Variants in IL18RAP observed in about 807,000 individuals in gnomAD.
IL18RAP encodes interleukin 18 receptor accessory protein, also known as interleukin-18 receptor accessory protein.
A neutral mutation model predicts 58.1 loss-of-function variants in IL18RAP; 37 were observed. The ratio of observed to expected loss-of-function variants is 0.64; its 90% CI spans 0.49 to 0.84. The LOEUF is 0.84. IL18RAP is among the 40% of genes least tolerant of loss of function. The probability of loss-of-function intolerance (pLI) is 0.00; values close to 1 mark genes in which losing one functional copy is unlikely to be tolerated. For missense variants in IL18RAP, 667 were observed against 704.8 expected (o/e 0.95, Z 0.61); for synonymous variants, 268 against 257.5 (o/e 1.04, Z -0.39).
intron 8 of IL18RAP, among the ~76,000 whole-genome samples, chr2:102,449,016 C>G (rs113184587): frequency 1.4e-5 from 2 of 145,444 alleles, no homozygotes; most frequent in South Asian, 2.2e-4. Context: ...CATGTGTAAT[C>G]CCAGCACTTT....
chr2:102,438,678 C>G (rs1235606592), intron 4 of IL18RAP: 1 of 152,240 alleles, frequency 6.6e-6, no homozygotes, highest in African/African-American at 2.4e-5. Context: ...CAAGCCCTCT[C>G]TGTTGTCATC....
intron 3 of IL18RAP, among the ~76,000 whole-genome samples, chr2:102,432,792 A>G (rs555999380): frequency 1.3e-5 from 2 of 152,366 alleles, no homozygotes; most frequent in African/African-American, 4.8e-5. Context: ...GAGATTATTA[A>G]TTAAAATATT....
chr2:102,441,226 CA>C, intron 4 of IL18RAP, 85 bp from the exon 5 acceptor site: 3 of 946,434 alleles, frequency 3.2e-6, no homozygotes, highest in Admixed American at 1.9e-5. Flanking sequence ...ACATTTAGAT[CA>C]AAGTGTGGCT....
intron 5 of IL18RAP, 128 bp downstream of exon 5, chr2:102,441,505 G>A: frequency 2.9e-6 from 2 of 691,604 alleles, no homozygotes; most frequent in Non-Finnish European, 5.0e-6. Context: ...CTCAGCCATT[G>A]ACTAGTTTTG....
chr2:102,422,658 T>A (rs1681648292), upstream of IL18RAP, among the ~76,000 whole-genome samples: 1 of 152,230 alleles, frequency 6.6e-6, no homozygotes, highest in Non-Finnish European at 1.5e-5. Flanking sequence ...CCTTTCATAT[T>A]TGAGAGTTGA....
In IL18RAP at chr2:102,451,705, G is replaced by T. The variant is rs1231091487; in HGVS notation, c.1385-61G>T. ...CTTATGTAAGAGAATCCATTGCAAG[G>T]ACCTCTCTGACTCAAGGTTTAACAA... is the stretch of plus-strand genomic sequence containing the variant. On this transcript the variant is annotated intron_variant, in intron 9 of 9. Coordinates refer to ENST00000687160, the MANE Select transcript of IL18RAP (RefSeq NM_001393487.1). The T allele has an allele frequency of 2.9e-6, 4 of 1,382,666 alleles. No homozygotes were observed. The East Asian group carries it at 9.2e-5, about 32-fold the overall frequency. 85.6% of individuals were successfully genotyped at this position (1,382,666 alleles called of 1,614,324 possible). A position where few individuals can be genotyped will look rare whatever the true frequency, so the allele number is the denominator to read the frequency against.
At position 102,451,443 on chromosome 2, in the gene IL18RAP, G is replaced by T. The variant is rs143547628; in HGVS notation, c.1385-323G>T. 1.2e-4 allele frequency among the ~76,000 whole-genome samples: 19 copies of T among 152,338 alleles called. 1 individual carries two copies. In the East Asian group the frequency reaches 3.7e-3, roughly 29 times the overall value. On this transcript the variant is annotated intron_variant, in intron 9 of 9. Coordinates refer to ENST00000687160, the MANE Select transcript of IL18RAP (RefSeq NM_001393487.1). ...AGAAGTCCAGATCTCAGCCTGTCCT[G>T]CTGGCCTCCTCCTCCTCAGATACCC...
chr2:102,422,700 T>G (rs997119086), upstream of IL18RAP, among the ~76,000 whole-genome samples: 5 of 152,180 alleles, frequency 3.3e-5, no homozygotes, highest in Admixed American at 3.3e-4. Flanking sequence ...ATTTTCCCTC[T>G]TGCATGTGGG....
At chr2:102,424,546 CAGG>C (rs1681810727) in intron 3 of IL18RAP, 132 bp downstream of exon 3, 2 of 726,098 alleles carry the variant, frequency 2.8e-6, no homozygotes, top group African/African-American at 3.6e-5. Context: ...TGTGCCTCTG[CAGG>C]AGATCTGACT....
At chr2:102,448,512 C>G (rs567434442) in intron 8 of IL18RAP, among the ~76,000 whole-genome samples, 17 of 152,258 alleles carry the variant, frequency 1.1e-4, no homozygotes, top group African/African-American at 4.1e-4. Flanking sequence ...TAGTAAATGA[C>G]TCTGTTGCTT....
chr2:102,443,471 G>A, intron 6 of IL18RAP, 148 bp downstream of exon 6: 1 of 806,434 alleles, frequency 1.2e-6, no homozygotes, highest in Non-Finnish European at 1.9e-6. Flanking sequence ...AGTGCAAACG[G>A]CCGTTGAATG....
At chr2:102,437,480 C>T in intron 4 of IL18RAP, 118 bp downstream of exon 4, 1 of 911,234 alleles carries the variant, frequency 1.1e-6, no homozygotes, top group South Asian at 2.7e-5. Flanking sequence ...TACTTGTAAT[C>T]ATGTAAAACC....
Position 102,445,215 on chromosome 2 carries a change from T to A in IL18RAP, c.947T>A (p.Ile316Asn). The A allele has an allele frequency of 6.2e-7, 1 of 1,614,086 alleles. No individual in the cohort carries two copies. The highest frequency in any genetic ancestry group is 8.5e-7 in the Non-Finnish European group (1 of 1,179,964). ...KSIKSTLKDE[I>N]IERNIILEKV... ...ATTAAATCCACTTTAAAGGATGAAATCATTGAGCGTAATATCATCTTGGAA... is the reference window on the plus strand; with the variant it reads ...ATTAAATCCACTTTAAAGGATGAAAACATTGAGCGTAATATCATCTTGGAA... Residue 316 changes from isoleucine to asparagine, a missense_variant, in exon 7 of 10, where the codon ATC (isoleucine) becomes AAC (asparagine). By Grantham distance (149) the Ile-to-Asn change is moderately radical. Coordinates refer to ENST00000687160, the MANE Select transcript of IL18RAP (RefSeq NM_001393487.1).
At chr2:102,445,383 C>G (rs949540878) in intron 7 of IL18RAP, 43 bp downstream of exon 7, 1 of 1,587,256 alleles carries the variant, frequency 6.3e-7, no homozygotes, top group Admixed American at 1.7e-5. Flanking sequence ...ACTGCTTTCA[C>G]TTGAGAGGGG....
intron 3 of IL18RAP, among the ~76,000 whole-genome samples, chr2:102,433,476 G>A (rs1216679139): frequency 6.6e-6 from 1 of 152,166 alleles, no homozygotes; most frequent in African/African-American, 2.4e-5. Flanking sequence ...CTCCTGCCTT[G>A]GCCTTCCAAA....
intron 7 of IL18RAP, among the ~76,000 whole-genome samples, chr2:102,446,005 G>T (rs975863740): frequency 3.9e-5 from 6 of 152,192 alleles, no homozygotes; most frequent in African/African-American, 1.4e-4. Context: ...TGTAGTAAAC[G>T]CTCTGTGAAG....
chr2:102,451,955 A>G lies in IL18RAP; in HGVS notation c.1574A>G (p.His525Arg). The G allele has an allele frequency of 6.2e-7, 1 of 1,614,088 alleles. No homozygotes were observed. The highest frequency in any genetic ancestry group is 1.3e-5 in the African/African-American group (1 of 75,052). ...TTCCAAGAGCCAGAGTCTCTACCTC[A>G]TCTCGTGAAAAAAGCTCTCAGGGTT... ...CYFQEPESLP[H>R]LVKKALRVLP... Residue 525 changes from histidine to arginine, a missense_variant, in exon 10 of 10, where the codon CAT (histidine) becomes CGT (arginine). Physicochemically the swap from His to Arg is conservative, Grantham distance 29. Coordinates refer to ENST00000687160, the MANE Select transcript of IL18RAP (RefSeq NM_001393487.1).
chr2:102,434,642 G>A (rs905001261), intron 3 of IL18RAP: 8 of 152,162 alleles, frequency 5.3e-5, no homozygotes, highest in Non-Finnish European at 7.3e-5. Flanking sequence ...CACAACGCAA[G>A]GGTGTTGCTT....
In IL18RAP at chr2:102,446,965, A is replaced by G. The variant is rs138795958; in HGVS notation, c.1073-105A>G. The G allele has an allele frequency of 6.0e-4, 733 of 1,214,326 alleles. 3 individuals carry two copies. In the African/African-American group the frequency reaches 0.01, roughly 17 times the overall value. 75.2% of individuals were successfully genotyped at this position (1,214,326 alleles called of 1,614,324 possible). A position where few individuals can be genotyped will look rare whatever the true frequency, so the allele number is the denominator to read the frequency against. ...TAGTGGCAATGATTTTGATAAAATA[A>G]TAGAGCTGGAAAAGGTGCTGGGTGG... On this transcript the variant is annotated intron_variant, in intron 7 of 9. Transcript: ENST00000687160.
Sources: gnomAD v4.1 joint callset for allele counts (sites outside exome capture counted in the v4.1 genomes callset) on GRCh38, gnomAD v4.1.1 for gene constraint, MANE v1.5 for transcripts, NCBI Gene and HGNC (gene_info 2026-07-23, HGNC 2026-07-21) for gene names.